Variants in RCL1 observed in about 807,000 individuals in gnomAD.
RCL1 encodes the protein RNA terminal phosphate cyclase like 1.
A neutral mutation model predicts 42.4 loss-of-function variants in RCL1; 24 were observed. That is an observed-to-expected ratio of 0.57 (90% CI 0.41 to 0.80). RCL1 has a LOEUF of 0.80. Among genes scored for constraint, RCL1 ranks in the 30% least tolerant of loss-of-function variants. The pLI is 0.00. For missense variants in RCL1, 578 were observed against 467.9 expected, an observed-to-expected ratio of 1.24 and a Z score of -2.17; for synonymous variants, 228 against 177.3, an observed-to-expected ratio of 1.29 and a Z score of -2.27.
chr9:4,859,219 C>A lies in RCL1; in HGVS notation c.972-906C>A, dbSNP rs1401367802. 4.6e-5 allele frequency among the ~76,000 whole-genome samples: 7 copies of A among 152,306 alleles called. 1 individual carries two copies. The South Asian group carries it at 1.5e-3, about 32-fold the overall frequency. On this transcript the variant is annotated intron_variant, in intron 8 of 8. Coordinates refer to ENST00000381750, the MANE Select transcript of RCL1 (RefSeq NM_005772.5). The stretch of plus-strand genomic sequence containing the variant: ...AGGTACTCTTGGACTGATGCCATCG[C>A]CCTGTGATGCCATTGTCCTTGTTGT...
chr9:4,856,101 A>G (rs140389417), intron 8 of RCL1, among the ~76,000 whole-genome samples: 314 of 152,296 alleles, frequency 2.1e-3, no homozygotes, highest in African/African-American at 7.2e-3. Context: ...TCTCCTTCAG[A>G]TGCAGAGTGG....
chr9:4,853,453 C>T (rs1318531088), intron 8 of RCL1, among the ~76,000 whole-genome samples: 4 of 152,000 alleles, frequency 2.6e-5, no homozygotes, highest in African/African-American at 9.7e-5. Context: ...TCCTGAGTAG[C>T]TGGGACTACA....
In RCL1 at chr9:4,793,110, T is replaced by G; in HGVS notation, c.19T>G (p.Ser7Ala). Residue 7 changes from serine to alanine, a missense_variant, in exon 1 of 9, where the codon TCC becomes GCC. Transcript: ENST00000381750. MATQAH[S>A]LSYAGCNFLR... ...CGCGCACATGGCGACTCAGGCGCACTCCCTCAGCTACGCAGGGTGCAACTT... is the reference window on the plus strand; with the variant it reads ...CGCGCACATGGCGACTCAGGCGCACGCCCTCAGCTACGCAGGGTGCAACTT... 1 of 1,609,354 alleles carries G rather than the reference T, an allele frequency of 6.2e-7. No homozygotes were observed. Among genetic ancestry groups the G allele is most frequent in the Non-Finnish European group, 8.5e-7 (1 of 1,178,240 alleles).
intron 3 of RCL1, 77 bp downstream of exon 3, chr9:4,827,110 C>CT: frequency 6.3e-7 from 1 of 1,597,438 alleles, no homozygotes; most frequent in Non-Finnish European, 8.5e-7. Flanking sequence ...AAAAAAGTTC[C>CT]TTATAAGGCA....
At chr9:4,855,311 T>A (rs1817912924) in intron 8 of RCL1, among the ~76,000 whole-genome samples, 1 of 151,832 alleles carries the variant, frequency 6.6e-6, no homozygotes, top group Non-Finnish European at 1.5e-5. Context: ...CTATTTGCGC[T>A]GTGTGGGTGG....
In RCL1 at chr9:4,834,130, T is replaced by G; in HGVS notation, c.460-11T>G. 6.2e-7 allele frequency: 1 copy of G among 1,611,280 alleles called. No homozygotes were observed. Among genetic ancestry groups the G allele is most frequent in the African/African-American group, 1.3e-5 (1 of 74,912 alleles). On this transcript the variant is annotated splice_polypyrimidine_tract_variant and intron_variant, in intron 4 of 8. Coordinates refer to ENST00000381750, the MANE Select transcript of RCL1 (RefSeq NM_005772.5). ...TGCATCCTCGCCTCATCTTTCTCACTCTCTGTGTAGATTGTGCGACGGGGA... is the reference window on the plus strand; with the variant it reads ...TGCATCCTCGCCTCATCTTTCTCACGCTCTGTGTAGATTGTGCGACGGGGA...
chr9:4,849,054 C>A (rs564116190), intron 7 of RCL1, among the ~76,000 whole-genome samples: 91 of 151,812 alleles, frequency 6.0e-4, no homozygotes, highest in African/African-American at 1.8e-3. Flanking sequence ...ATCCACTTAA[C>A]CCTTGGAATT....
intron 1 of RCL1, among the ~76,000 whole-genome samples, chr9:4,802,450 C>G (rs571779836): frequency 3.9e-5 from 6 of 152,134 alleles, no homozygotes; most frequent in Non-Finnish European, 7.4e-5. Context: ...TAATTGTCGT[C>G]TTTATTATGT....
At chr9:4,797,722 G>A (rs1309401394) in intron 1 of RCL1, among the ~76,000 whole-genome samples, 2 of 152,094 alleles carry the variant, frequency 1.3e-5, no homozygotes, top group Admixed American at 6.5e-5. Flanking sequence ...TAATGATTAG[G>A]AATAGCAGCA....
intron 1 of RCL1, among the ~76,000 whole-genome samples, chr9:4,820,963 G>T (rs965154203): frequency 9.2e-5 from 14 of 152,094 alleles, no homozygotes; most frequent in African/African-American, 2.9e-4. Context: ...AGTTTATTCT[G>T]TTCTAATTTT....
intron 1 of RCL1, among the ~76,000 whole-genome samples, chr9:4,803,367 G>A (rs1200748385): frequency 6.6e-6 from 1 of 152,112 alleles, no homozygotes; most frequent in Admixed American, 6.5e-5. Flanking sequence ...TCATAATAAT[G>A]ATTTTTAGAA....
chr9:4,828,509 G>T (rs1431114232), intron 3 of RCL1, among the ~76,000 whole-genome samples: 1 of 150,660 alleles, frequency 6.6e-6, no homozygotes, highest in Non-Finnish European at 1.5e-5. Flanking sequence ...AGCTGTAAAG[G>T]AATGTTGCGT....
At chr9:4,821,553 A>G (rs1816597065) in intron 1 of RCL1, among the ~76,000 whole-genome samples, 1 of 152,254 alleles carries the variant, frequency 6.6e-6, no homozygotes, top group African/African-American at 2.4e-5. Context: ...AGGTGCTAGT[A>G]TCTGGCAAGG....
rs1358050716 is a variant in RCL1 at position 4,855,747 on chromosome 9, A to G, written c.972-4378A>G. On this transcript the variant is annotated intron_variant, in intron 8 of 8. Transcript: ENST00000381750. The stretch of plus-strand genomic sequence containing the variant: ...AAGATTCTGAAATGTACCTTAATCT[A>G]GTCTCTTACACAGTCTTCCTTGGAC... Among the ~76,000 whole-genome samples the G allele has an allele frequency of 3.3e-5, 5 of 152,256 alleles. 1 individual carries two copies. The highest frequency in any genetic ancestry group is 3.4e-3 in the Middle Eastern group (1 of 294).
Position 4,844,592 on chromosome 9 carries a change from G to T in RCL1, c.778G>T (p.Ala260Ser). Residue 260 changes from alanine (A) to serine (S), a missense_variant, in exon 7 of 9, where the codon GCC becomes TCC. Physicochemically the swap from Ala to Ser is moderately conservative, Grantham distance 99. Transcript: ENST00000381750. ...TSGTFLSAEL[A>S]SNPQGQGAAV... is the part of the protein sequence containing the mutation. ...TGGCACCTTCCTCAGTGCTGAACTG[G>T]CCTCCAACCCCCAGGGCCAGGGAGC... is the stretch of plus-strand genomic sequence containing the variant. The T allele has an allele frequency of 6.2e-7, 1 of 1,614,054 alleles. No homozygotes were observed.
chr9:4,819,562 A>G lies in RCL1; in HGVS notation c.137-3986A>G, dbSNP rs796121325. Among the ~76,000 whole-genome samples the G allele has an allele frequency of 2.4e-4, 36 of 152,326 alleles. 1 individual carries two copies. Among genetic ancestry groups the G allele is most frequent in the African/African-American group, 7.9e-4 (33 of 41,564 alleles). The stretch of plus-strand genomic sequence containing the variant: ...ATTTGCTCACGCCTGTAATCCCAGC[A>G]CTTTGGGAGGTCGAGGCGGGGGGAT... On this transcript the variant is annotated intron_variant, in intron 1 of 8. Transcript: ENST00000381750.
At chr9:4,808,882 G>A (rs1349166161) in intron 1 of RCL1, among the ~76,000 whole-genome samples, 6 of 152,164 alleles carry the variant, frequency 3.9e-5, no homozygotes, top group African/African-American at 1.4e-4. Context: ...TATTATAAAA[G>A]TAATACATGT....
In RCL1 at chr9:4,798,509, A is replaced by G. The variant is rs148945247; in HGVS notation, c.136+5282A>G. The stretch of plus-strand genomic sequence containing the variant: ...GCTCCATATGGCTTAAGCAGATAAG[A>G]TTCTGAAAAAGAAGAGCTAAGTGGA... On this transcript the variant is annotated intron_variant, in intron 1 of 8. Coordinates refer to ENST00000381750, the MANE Select transcript of RCL1 (RefSeq NM_005772.5). 3.6e-3 allele frequency among the ~76,000 whole-genome samples: 551 copies of G among 152,350 alleles called. 4 individuals carry two copies. The highest frequency in any genetic ancestry group is 0.012 in the African/African-American group (519 of 41,574).
intron 7 of RCL1, among the ~76,000 whole-genome samples, chr9:4,845,746 A>T (rs751047742): frequency 6.6e-6 from 1 of 152,178 alleles, no homozygotes; most frequent in African/African-American, 2.4e-5. Context: ...TAGGTCCCAG[A>T]TTCTTGAACT....
Sources: allele counts gnomAD v4.1 joint callset (sites outside exome capture counted in the v4.1 genomes callset), GRCh38; gene constraint gnomAD v4.1.1; transcripts MANE v1.5; gene names NCBI Gene and HGNC (gene_info 2026-07-23, HGNC 2026-07-21).